Variants in PLCXD3 observed in about 807,000 individuals in gnomAD.
PLCXD3 encodes the protein phosphatidylinositol specific phospholipase C X domain containing 3.
In PLCXD3, 19 loss-of-function variants were observed where a neutral mutation model predicts 25.5. The observed-to-expected ratio is 0.75, with a 90% CI of 0.52 to 1.09. The LOEUF (loss-of-function observed/expected upper bound fraction) is 1.09, where lower values mean the gene tolerates loss of function less well. Ranked by LOEUF, PLCXD3 falls within the 50% of genes least tolerant of loss-of-function variation. The pLI is 0.00. For missense variants in PLCXD3, 411 were observed against 388.1 expected, an observed-to-expected ratio of 1.06 and a Z score of -0.50; for synonymous variants, 174 against 137.6, an observed-to-expected ratio of 1.26 and a Z score of -1.85.
At chr5:41,315,425 A>C (rs1487291883) in intron 2 of PLCXD3, among the ~76,000 whole-genome samples, 6 of 151,814 alleles carry the variant, frequency 4.0e-5, no homozygotes, top group African/African-American at 9.7e-5. Flanking sequence ...AAAAAAAAAA[A>C]CCCAGACAAT....
At chr5:41,487,176 T>G (rs1200531159) in intron 1 of PLCXD3, among the ~76,000 whole-genome samples, 1 of 152,226 alleles carries the variant, frequency 6.6e-6, no homozygotes, top group East Asian at 1.9e-4. Context: ...AAATTGTTCC[T>G]TGAAACAAAA....
intron 1 of PLCXD3, among the ~76,000 whole-genome samples, chr5:41,417,565 A>T (rs1449629084): frequency 6.6e-6 from 1 of 152,256 alleles, no homozygotes; most frequent in African/African-American, 2.4e-5. Flanking sequence ...AAATCCTTGG[A>T]GAAATCTCAA....
chr5:41,381,428 A>G (rs1745458224), intron 2 of PLCXD3, among the ~76,000 whole-genome samples: 1 of 152,118 alleles, frequency 6.6e-6, no homozygotes, highest in African/African-American at 2.4e-5. Context: ...CCCTAATTCA[A>G]TATGACTGGT....
chr5:41,448,483 A>G (rs1325675540), intron 1 of PLCXD3, among the ~76,000 whole-genome samples: 1 of 152,222 alleles, frequency 6.6e-6, no homozygotes, highest in African/African-American at 2.4e-5. Flanking sequence ...AGAGAGCAAA[A>G]TAAATCTTAC....
At chr5:41,475,084 A>AC in intron 1 of PLCXD3, among the ~76,000 whole-genome samples, 1 of 152,160 alleles carries the variant, frequency 6.6e-6, no homozygotes, top group Non-Finnish European at 1.5e-5. Context: ...GTGGGGCAAA[A>AC]AATTCCCTCA....
chr5:41,489,984 G>A (rs1039676317), intron 1 of PLCXD3, among the ~76,000 whole-genome samples: 5 of 151,924 alleles, frequency 3.3e-5, no homozygotes, highest in South Asian at 2.1e-4. Flanking sequence ...GAATAGGAGC[G>A]GTGAGAGAGG....
At chr5:41,420,841 C>T (rs1459900111) in intron 1 of PLCXD3, among the ~76,000 whole-genome samples, 1 of 152,162 alleles carries the variant, frequency 6.6e-6, no homozygotes, top group East Asian at 1.9e-4. Flanking sequence ...TCTTGGTTGC[C>T]GTCACTACGC....
At chr5:41,412,898 T>C (rs1278182041) in intron 1 of PLCXD3, among the ~76,000 whole-genome samples, 1 of 152,222 alleles carries the variant, frequency 6.6e-6, no homozygotes, top group Non-Finnish European at 1.5e-5. Flanking sequence ...CTATTTGTAC[T>C]GTCTTCTGGT....
At chr5:41,319,727 C>T (rs1388849537) in intron 2 of PLCXD3, among the ~76,000 whole-genome samples, 1 of 151,212 alleles carries the variant, frequency 6.6e-6, no homozygotes, top group Non-Finnish European at 1.5e-5. Flanking sequence ...AAAACCAAAC[C>T]CCAAATTAGT....
chr5:41,500,809 A>G (rs1748935670), intron 1 of PLCXD3, among the ~76,000 whole-genome samples: 1 of 151,988 alleles, frequency 6.6e-6, no homozygotes, highest in South Asian at 2.1e-4. Context: ...CAAATCATAT[A>G]TATGATAAGG....
At position 41,382,371 on chromosome 5, in the gene PLCXD3, T is replaced by C. The variant is rs1745495701; in HGVS notation, c.267A>G (p.Gly89=). The C allele has an allele frequency of 1.2e-6, 2 of 1,613,468 alleles. No homozygotes were observed. The highest frequency in any genetic ancestry group is 1.7e-6 in the Non-Finnish European group (2 of 1,179,692). The change falls in exon 2 of 3, where the codon GGA becomes GGG. Residue 89 remains glycine, a synonymous_variant. Transcript: ENST00000377801. ...TQTMNFTGQL[G]AGIRYFDLRI... is the part of the protein sequence containing the mutation. ...GAAGATCAAAATAACGAATTCCAGC[T>C]CCTAGCTGGCCAGTAAAATTCATTG...
chr5:41,473,136 C>T (rs1204233198), intron 1 of PLCXD3, among the ~76,000 whole-genome samples: 2 of 151,958 alleles, frequency 1.3e-5, no homozygotes, highest in East Asian at 3.9e-4. Context: ...TTAGGGAGAC[C>T]TTGCCTGGTA....
intron 1 of PLCXD3, among the ~76,000 whole-genome samples, chr5:41,427,632 T>C (rs1384972969): frequency 3.3e-5 from 5 of 152,160 alleles, no homozygotes; most frequent in Admixed American, 1.3e-4. Context: ...GAACATAGTT[T>C]CCACATATGT....
At chr5:41,467,331 G>A (rs1258159244) in intron 1 of PLCXD3, among the ~76,000 whole-genome samples, 1 of 152,158 alleles carries the variant, frequency 6.6e-6, no homozygotes, top group Non-Finnish European at 1.5e-5. Context: ...TCATATTCCT[G>A]TTGGCCATTC....
intron 1 of PLCXD3, among the ~76,000 whole-genome samples, chr5:41,455,516 A>C (rs1253192760): frequency 1.3e-5 from 2 of 152,066 alleles, no homozygotes; most frequent in East Asian, 3.9e-4. Context: ...CCTTAAGCTC[A>C]CAGGCAATGG....
At chr5:41,462,677 C>T (rs1747916218) in intron 1 of PLCXD3, among the ~76,000 whole-genome samples, 2 of 151,718 alleles carry the variant, frequency 1.3e-5, no homozygotes, top group African/African-American at 4.8e-5. Context: ...CCCAGCTACT[C>T]GGAAGCCTGA....
intron 1 of PLCXD3, among the ~76,000 whole-genome samples, chr5:41,415,417 C>G (rs1746670721): frequency 6.6e-6 from 1 of 152,172 alleles, no homozygotes; most frequent in Non-Finnish European, 1.5e-5. Context: ...AACAGGCCAT[C>G]CACTTTGGTA....
chr5:41,417,072 T>A (rs1336336349), intron 1 of PLCXD3, among the ~76,000 whole-genome samples: 2 of 152,222 alleles, frequency 1.3e-5, no homozygotes, highest in Non-Finnish European at 2.9e-5. Context: ...TGGCCAACAC[T>A]AACATGTCTA....
chr5:41,449,408 A>G lies in PLCXD3; in HGVS notation c.103+61016T>C, dbSNP rs1428731843. The stretch of plus-strand genomic sequence containing the variant: ...TAATAACTTTCTAATTTTCTAAACT[A>G]TACAGACTTTTCTACCATTTTCGGT... On this transcript the variant is annotated intron_variant, in intron 1 of 2. Transcript: ENST00000377801. Among the ~76,000 whole-genome samples the G allele has an allele frequency of 3.3e-5, 5 of 152,322 alleles. No individual in the cohort carries two copies. The East Asian group carries it at 9.6e-4, about 29-fold the overall frequency.
Sources: gnomAD v4.1 joint callset for allele counts (sites outside exome capture counted in the v4.1 genomes callset) on GRCh38, gnomAD v4.1.1 for gene constraint, MANE v1.5 for transcripts, NCBI Gene and HGNC (gene_info 2026-07-23, HGNC 2026-07-21) for gene names.